The following PHACTR2 variants were observed in gnomAD, a reference collection of about 807,000 sequenced individuals.
The protein encoded by PHACTR2 is chromosome 6 open reading frame 56.
In PHACTR2, 30 loss-of-function variants were observed where a neutral mutation model predicts 76.0. The ratio of observed to expected loss-of-function variants is 0.39; its 90% CI spans 0.30 to 0.54. The LOEUF is 0.54. PHACTR2 is among the 20% of genes least tolerant of loss of function. PHACTR2 has a pLI of 0.61. For missense variants in PHACTR2, 696 were observed against 781.1 expected, an observed-to-expected ratio of 0.89 and a Z score of 1.30; for synonymous variants, 292 against 292.5, an observed-to-expected ratio of 1.00 and a Z score of 0.02.
rs1183261403 is a variant in PHACTR2, at chr6:143,772,225, C to T, written c.1233-33C>T. 6.5e-7 allele frequency: 1 copy of T among 1,536,728 alleles called. No homozygotes were observed. Among genetic ancestry groups the T allele is most frequent in the Non-Finnish European group, 9.0e-7 (1 of 1,109,842 alleles). On this transcript the variant is annotated intron_variant, in intron 6 of 12. Transcript: ENST00000440869. The surrounding 1 kb of genome is among the most constrained non-coding windows in gnomAD (Gnocchi z 5.4). ...TGCCGCCAAGGGTTGCTCTGAGCTTCACATCACTCCCATGCTTTTCTGCCT... is the reference window on the plus strand; with the variant it reads ...TGCCGCCAAGGGTTGCTCTGAGCTTTACATCACTCCCATGCTTTTCTGCCT...
chr6:143,692,384 T>A lies in PHACTR2; in HGVS notation c.46+14175T>A, dbSNP rs577111883. ...TTGGAATAAACCAGAACAAGTTAAC[T>A]GAGCTCATGCCGTGGGTTCCTGTTG... On this transcript the variant is annotated intron_variant, in intron 1 of 12. Coordinates refer to ENST00000440869, the MANE Select transcript of PHACTR2 (RefSeq NM_001100164.2). Among the ~76,000 whole-genome samples the A allele has an allele frequency of 1.1e-3, 162 of 152,358 alleles. 1 individual carries two copies. Among genetic ancestry groups the A allele is most frequent in the African/African-American group, 3.6e-3 (150 of 41,572 alleles).
At position 143,802,077 on chromosome 6, in the gene PHACTR2, C is replaced by T. The variant is rs544874893; in HGVS notation, c.1846-4980C>T. The stretch of plus-strand genomic sequence containing the variant: ...AGCTGACTGGGACTGATGAAGCAGA[C>T]CTGTTACCACTCACCACTGGCCAAT... On this transcript the variant is annotated intron_variant, in intron 11 of 12. Coordinates refer to ENST00000440869, the MANE Select transcript of PHACTR2 (RefSeq NM_001100164.2). 2.1e-3 allele frequency among the ~76,000 whole-genome samples: 323 copies of T among 152,286 alleles called. 1 individual carries two copies. The highest frequency in any genetic ancestry group is 7.5e-3 in the African/African-American group (313 of 41,550).
intron 1 of PHACTR2, among the ~76,000 whole-genome samples, chr6:143,657,823 C>T (rs1776875759): frequency 6.6e-6 from 1 of 152,140 alleles, no homozygotes; most frequent in Non-Finnish European, 1.5e-5. Flanking sequence ...GCTCCTTCTA[C>T]AGGAAGGTGG....
rs1272842234 is a variant in PHACTR2 at position 143,774,227 on chromosome 6, C to T, written c.1589+12C>T. On this transcript the variant is annotated intron_variant, in intron 8 of 12. Coordinates refer to ENST00000440869, the MANE Select transcript of PHACTR2 (RefSeq NM_001100164.2). This position sits in a 1 kb window ranked among gnomAD's most constrained non-coding sequence, Gnocchi z 5.4. ...ACCAAGTTAGTCAGGTAATTGCTAA[C>T]ATTTTAGGACAGTACTGACTAATTT... 2 of 1,609,718 alleles carry T rather than the reference C, an allele frequency of 1.2e-6. No individual in the cohort carries two copies. The highest frequency in any genetic ancestry group is 1.7e-6 in the Non-Finnish European group (2 of 1,176,240).
chr6:143,814,703 C>T (rs971834047), intron 12 of PHACTR2, among the ~76,000 whole-genome samples: 10 of 151,080 alleles, frequency 6.6e-5, no homozygotes, highest in Non-Finnish European at 1.3e-4. Flanking sequence ...CCTCGGTTCA[C>T]GCCATTCTCC....
Position 143,564,317 on chromosome 6 carries a change from T to A in PHACTR2, c.217+27110T>A, listed in dbSNP as rs574129561. On this transcript the variant is annotated intron_variant, in intron 1 of 11. Coordinates refer to the PHACTR2 transcript ENST00000367584. ...AGTAAAAAATAAGTTAATAATAAAA[T>A]AAGTTGGCCAGGTGCAGTGGCTCAT... Among the ~76,000 whole-genome samples, 47 of 147,850 alleles carry A rather than the reference T, an allele frequency of 3.2e-4. 1 individual carries two copies. In the East Asian group the frequency reaches 5.5e-3, roughly 17 times the overall value.
intron 1 of PHACTR2, among the ~76,000 whole-genome samples, chr6:143,637,195 C>T (rs775443292): frequency 1.3e-5 from 2 of 152,040 alleles, no homozygotes; most frequent in African/African-American, 4.8e-5. Flanking sequence ...CCTTGCTGTG[C>T]CTTGCTCCCT....
At position 143,663,660 on chromosome 6, in the gene PHACTR2, C is replaced by G. The variant is rs528537490; in HGVS notation, c.14-48356C>G. 2.6e-5 allele frequency among the ~76,000 whole-genome samples: 4 copies of G among 152,020 alleles called. No homozygotes were observed. Among genetic ancestry groups the G allele is most frequent in the Non-Finnish European group, 5.9e-5 (4 of 68,008 alleles). Reference sequence around the variant, plus strand: ...GTTTAGTTCTAAATATTTTATGCTACAATTGGATTTTCTTGTGTTACTTAG... The same window carrying G: ...GTTTAGTTCTAAATATTTTATGCTAGAATTGGATTTTCTTGTGTTACTTAG... On this transcript the variant is annotated intron_variant, in intron 1 of 11. Transcript: ENST00000305766. The surrounding 1 kb of genome is among the most constrained non-coding windows in gnomAD (Gnocchi z 4.1).
rs1227914070 is a variant in PHACTR2 at position 143,688,392 on chromosome 6, A to T, written c.46+10183A>T. Among the ~76,000 whole-genome samples the T allele has an allele frequency of 1.3e-5, 2 of 152,144 alleles. No individual in the cohort carries two copies. Among genetic ancestry groups the T allele is most frequent in the Non-Finnish European group, 2.9e-5 (2 of 68,036 alleles). ...GGGTCTCACCCAACTCTCAACTCCCAGAGTTACCCAGTTTGTGTCTGCAAC... is the reference window on the plus strand; with the variant it reads ...GGGTCTCACCCAACTCTCAACTCCCTGAGTTACCCAGTTTGTGTCTGCAAC... On this transcript the variant is annotated intron_variant, in intron 1 of 12. Transcript: ENST00000440869. This position sits in a 1 kb window ranked among gnomAD's most constrained non-coding sequence, Gnocchi z 5.2.
intron 1 of PHACTR2, among the ~76,000 whole-genome samples, chr6:143,588,905 A>G (rs1169903556): frequency 6.6e-6 from 1 of 152,238 alleles, no homozygotes; most frequent in Non-Finnish European, 1.5e-5. Context: ...AAAATAAAAA[A>G]TTAAAAAGAC....
intron 1 of PHACTR2, among the ~76,000 whole-genome samples, chr6:143,575,050 G>A (rs1356121341): frequency 6.6e-6 from 1 of 152,006 alleles, no homozygotes; most frequent in African/African-American, 2.4e-5. Context: ...TAATCCATTT[G>A]GAACATAATT....
rs971560424 is a variant in PHACTR2, at chr6:143,621,212, G to T, written c.13+12890G>T. Among the ~76,000 whole-genome samples the T allele has an allele frequency of 2.6e-5, 4 of 152,178 alleles. No individual in the cohort carries two copies. Among genetic ancestry groups the T allele is most frequent in the Admixed American group, 6.5e-5 (1 of 15,278 alleles). On this transcript the variant is annotated intron_variant, in intron 1 of 11. Coordinates refer to the PHACTR2 transcript ENST00000305766. The surrounding 1 kb of genome is among the most constrained non-coding windows in gnomAD (Gnocchi z 4.1). ...TGGACAGATTATAGGGAGAGACCAA[G>T]GTAGACACCTGGCTTATGAAACGGG...
rs1220204119 is a variant in PHACTR2, at chr6:143,757,957, G to C, written c.455-2444G>C. 2.1e-5 allele frequency among the ~76,000 whole-genome samples: 2 copies of C among 94,736 alleles called. No homozygotes were observed. The highest frequency in any genetic ancestry group is 5.0e-5 in the African/African-American group (1 of 19,996). The allele number at this position is 94,736 out of a possible 152,430, so 62.2% of individuals were successfully genotyped here. A position where few individuals can be genotyped will look rare whatever the true frequency, so the allele number is the denominator to read the frequency against. On this transcript the variant is annotated intron_variant, in intron 4 of 12. Coordinates refer to ENST00000440869, the MANE Select transcript of PHACTR2 (RefSeq NM_001100164.2). The surrounding 1 kb of genome is among the most constrained non-coding windows in gnomAD (Gnocchi z 4.2). Reference sequence around the variant, plus strand: ...TCCCTGCGTGTGTGTGCATGCACACGTGCGCGCACACACACACACACACAC... The same window carrying C: ...TCCCTGCGTGTGTGTGCATGCACACCTGCGCGCACACACACACACACACAC...
rs891795027 is a variant in PHACTR2, at chr6:143,570,848, C to T, written c.217+33641C>T. Reference sequence around the variant, plus strand: ...TTGCAAATCCCTCCCCGGACTCCTCCTCTTCTTCCAAAATTCAGGCTGAAG... The same window carrying T: ...TTGCAAATCCCTCCCCGGACTCCTCTTCTTCTTCCAAAATTCAGGCTGAAG... On this transcript the variant is annotated intron_variant, in intron 1 of 11. Coordinates refer to the PHACTR2 transcript ENST00000367584. The surrounding 1 kb of genome is among the most constrained non-coding windows in gnomAD (Gnocchi z 4.6). Among the ~76,000 whole-genome samples the T allele has an allele frequency of 6.6e-6, 1 of 152,170 alleles. No individual in the cohort carries two copies. Among genetic ancestry groups the T allele is most frequent in the African/African-American group, 2.4e-5 (1 of 41,442 alleles).
chr6:143,702,753 T>C (rs996898718), intron 1 of PHACTR2, among the ~76,000 whole-genome samples: 5 of 148,766 alleles, frequency 3.4e-5, no homozygotes, highest in African/African-American at 1.2e-4. Flanking sequence ...CTAATATGCA[T>C]TGTAAGAATA....
intron 1 of PHACTR2, among the ~76,000 whole-genome samples, chr6:143,594,332 A>G (rs577167399): frequency 2.6e-5 from 4 of 152,316 alleles, no homozygotes; most frequent in African/African-American, 9.6e-5. Context: ...TTGCATGTGT[A>G]TTATCCCCCC....
intron 1 of PHACTR2, among the ~76,000 whole-genome samples, chr6:143,575,672 G>A (rs1439780560): frequency 6.6e-6 from 1 of 152,190 alleles, no homozygotes; most frequent in Non-Finnish European, 1.5e-5. Flanking sequence ...GTTCTCTCTC[G>A]TGAAGTACTA....
chr6:143,822,362 G>C lies in PHACTR2; in HGVS notation c.1923-1312G>C, dbSNP rs1047925754. Among the ~76,000 whole-genome samples the C allele has an allele frequency of 1.3e-5, 2 of 151,998 alleles. No individual in the cohort carries two copies. Among genetic ancestry groups the C allele is most frequent in the South Asian group, 4.1e-4 (2 of 4,824 alleles). ...TTTTGTAGGTAATGGGGAACAATAC[G>C]ATCCTTTTGAGAAAGAACTGGGTTG... On this transcript the variant is annotated intron_variant, in intron 12 of 12. Coordinates refer to ENST00000440869, the MANE Select transcript of PHACTR2 (RefSeq NM_001100164.2). This position sits in a 1 kb window ranked among gnomAD's most constrained non-coding sequence, Gnocchi z 5.5.
At position 143,596,513 on chromosome 6, in the gene PHACTR2, G is replaced by A. The variant is rs930852310; in HGVS notation, c.217+59306G>A. On this transcript the variant is annotated intron_variant, in intron 1 of 11. Transcript: ENST00000367584. This position sits in a 1 kb window ranked among gnomAD's most constrained non-coding sequence, Gnocchi z 4.6. ...TATAATAGGTTTTCGACAAGTGAAT[G>A]TTTTTGAAAACACCAAAACTCTGTG... Among the ~76,000 whole-genome samples the A allele has an allele frequency of 1.3e-5, 2 of 152,134 alleles. No homozygotes were observed. Among genetic ancestry groups the A allele is most frequent in the Admixed American group, 6.5e-5 (1 of 15,280 alleles).
Sources: gnomAD v4.1 joint callset for allele counts (sites outside exome capture counted in the v4.1 genomes callset) on GRCh38, gnomAD v4.1.1 for gene constraint, Gnocchi (gnomAD v3.1) non-coding constraint, MANE v1.5 for transcripts, NCBI Gene and HGNC (gene_info 2026-07-23, HGNC 2026-07-21) for gene names.